The following WWOX variants were observed in gnomAD, a reference collection of about 807,000 sequenced individuals.
WWOX encodes the protein WW domain-containing oxidoreductase.
In WWOX, 69 loss-of-function variants were observed where a neutral mutation model predicts 46.2. That is an observed-to-expected ratio of 1.49 (90% confidence interval 1.23 to 1.82). The LOEUF (loss-of-function observed/expected upper bound fraction) is 1.82. Ranked by LOEUF, WWOX falls within the 40% of genes most tolerant of loss-of-function variation. The pLI is 0.00. For missense variants in WWOX, 919 were observed against 542.6 expected (o/e 1.69, Z -6.89); for synonymous variants, 359 against 202.6 (o/e 1.77, Z -6.56).
intron 8 of WWOX, among the ~76,000 whole-genome samples, chr16:79,044,862 C>T (rs1046154141): frequency 6.6e-6 from 1 of 152,196 alleles, no homozygotes; most frequent in African/African-American, 2.4e-5. Flanking sequence ...TAAAGTCACT[C>T]AGCCTCATTG....
intron 8 of WWOX, among the ~76,000 whole-genome samples, chr16:79,094,717 C>G (rs1034707946): frequency 6.6e-6 from 1 of 151,890 alleles, no homozygotes; most frequent in African/African-American, 2.4e-5. Context: ...ACTTAGTGAC[C>G]ATCTGAAGAT....
chr16:78,695,959 C>T (rs933329559), intron 8 of WWOX, among the ~76,000 whole-genome samples: 2 of 152,168 alleles, frequency 1.3e-5, no homozygotes, highest in East Asian at 3.9e-4. Flanking sequence ...GTTAGAGATG[C>T]AGATCTTGGG....
chr16:79,156,280 A>T (rs1181534899), intron 8 of WWOX, among the ~76,000 whole-genome samples: 1 of 152,040 alleles, frequency 6.6e-6, no homozygotes, highest in Non-Finnish European at 1.5e-5. Context: ...TCCCACGTCA[A>T]CCTCCAGAAT....
chr16:78,682,604 TGTG>T (rs1453140460), intron 8 of WWOX, among the ~76,000 whole-genome samples: 1 of 152,108 alleles, frequency 6.6e-6, no homozygotes, highest in African/African-American at 2.4e-5. Context: ...GAAGGCCACA[TGTG>T]GTGGTTCACC....
rs149181909 is a variant in WWOX at position 78,745,375 on chromosome 16, T to C, written c.1056+312623T>C. 5.9e-5 allele frequency among the ~76,000 whole-genome samples: 9 copies of C among 152,286 alleles called. No homozygotes were observed. In the East Asian group the frequency reaches 1.5e-3, roughly 26 times the overall value. On this transcript the variant is annotated intron_variant, in intron 8 of 8. Transcript: ENST00000566780. ...CATGAGTACTTAGCTTTGAAAAACA[T>C]GAGCATATTTTTCATTCTTCTTGCC...
At chr16:79,049,127 A>T (rs988549374) in intron 8 of WWOX, among the ~76,000 whole-genome samples, 3 of 152,222 alleles carry the variant, frequency 2.0e-5, no homozygotes, top group African/African-American at 7.2e-5. Flanking sequence ...TAGATAGCAA[A>T]TATTTTAGAC....
At chr16:78,458,665 T>G (rs2083883914) in intron 8 of WWOX, among the ~76,000 whole-genome samples, 1 of 150,418 alleles carries the variant, frequency 6.6e-6, no homozygotes, top group African/African-American at 2.5e-5. Flanking sequence ...AAAAAGAATA[T>G]AAATTAATTT....
At chr16:78,782,159 C>T (rs562457936) in intron 8 of WWOX, among the ~76,000 whole-genome samples, 5 of 152,280 alleles carry the variant, frequency 3.3e-5, no homozygotes, top group South Asian at 2.1e-4. Context: ...CCAGCCTTCT[C>T]GCCTTGCCAT....
chr16:78,633,950 G>T (rs190651207), intron 8 of WWOX, among the ~76,000 whole-genome samples: 2 of 149,098 alleles, frequency 1.3e-5, no homozygotes, highest in Non-Finnish European at 3.0e-5. Context: ...CAGCTCTGCC[G>T]ACCAAAGGCT....
intron 5 of WWOX, among the ~76,000 whole-genome samples, chr16:78,194,203 G>A (rs2035975424): frequency 6.6e-6 from 1 of 152,050 alleles, no homozygotes; most frequent in Non-Finnish European, 1.5e-5. Context: ...TGTCTCTTTG[G>A]AGTCAGGGTG....
At chr16:78,982,790 C>T (rs1054986942) in intron 8 of WWOX, among the ~76,000 whole-genome samples, 4 of 152,180 alleles carry the variant, frequency 2.6e-5, no homozygotes, top group South Asian at 2.1e-4. Context: ...AGAATATTCT[C>T]TTCTAAAATA....
chr16:78,243,077 C>T (rs116507084), intron 5 of WWOX, among the ~76,000 whole-genome samples: 172 of 152,304 alleles, frequency 1.1e-3, no homozygotes, highest in African/African-American at 3.8e-3. Flanking sequence ...CCTCCTCTCA[C>T]CCAGGTCCAT....
intron 8 of WWOX, among the ~76,000 whole-genome samples, chr16:78,775,215 A>T (rs1351571765): frequency 6.6e-6 from 1 of 152,158 alleles, no homozygotes; most frequent in Admixed American, 6.5e-5. Context: ...GAACTGAAAG[A>T]TTATCAGGAC....
chr16:79,187,335 C>A (rs1365494076), intron 8 of WWOX, among the ~76,000 whole-genome samples: 1 of 152,200 alleles, frequency 6.6e-6, no homozygotes, highest in Non-Finnish European at 1.5e-5. Flanking sequence ...ATTTAACAAG[C>A]ATTGATCAAA....
At chr16:78,608,965 C>G (rs537116250) in intron 8 of WWOX, among the ~76,000 whole-genome samples, 160 of 152,228 alleles carry the variant, frequency 1.1e-3, no homozygotes, top group Non-Finnish European at 1.9e-3. Context: ...CTTTTTATGA[C>G]AAATAATCTA....
intron 4 of WWOX, among the ~76,000 whole-genome samples, chr16:78,124,671 C>T (rs57421359): frequency 5.4e-4 from 83 of 152,298 alleles, no homozygotes; most frequent in African/African-American, 2.0e-3. Context: ...ACAAGCCTAA[C>T]TGAATGGGGT....
chr16:78,953,893 C>T (rs1425914398), intron 8 of WWOX, among the ~76,000 whole-genome samples: 1 of 152,136 alleles, frequency 6.6e-6, no homozygotes, highest in Non-Finnish European at 1.5e-5. Context: ...TCACTTGCTG[C>T]CTTATATTGC....
intron 4 of WWOX, among the ~76,000 whole-genome samples, chr16:78,157,287 T>G (rs1459916743): frequency 7.9e-5 from 12 of 152,132 alleles, no homozygotes; most frequent in Non-Finnish European, 1.6e-4. Context: ...ATGGGGCAGA[T>G]CAGTCAGCAA....
chr16:78,749,803 C>G (rs957775629), intron 8 of WWOX, among the ~76,000 whole-genome samples: 5 of 152,176 alleles, frequency 3.3e-5, no homozygotes, highest in Non-Finnish European at 5.9e-5. Context: ...CTATATTTAA[C>G]CAGGCTTTTT....
Sources: allele counts gnomAD v4.1 joint callset (sites outside exome capture counted in the v4.1 genomes callset), GRCh38; gene constraint gnomAD v4.1.1; transcripts MANE v1.5; gene names NCBI Gene and HGNC (gene_info 2026-07-23, HGNC 2026-07-21).